The following DLC1 variants were observed in gnomAD, a reference collection of about 807,000 sequenced individuals.
DLC1 encodes the protein rho GTPase-activating protein 7.
DLC1 carries 54 observed loss-of-function variants against 140.3 expected under a neutral mutation model. That is an observed-to-expected ratio of 0.38 (90% confidence interval 0.31 to 0.48). The LOEUF (loss-of-function observed/expected upper bound fraction) is 0.48, where lower values mean the gene tolerates loss of function less well. DLC1 is among the 20% of genes least tolerant of loss of function. DLC1 has a pLI of 0.96. For synonymous variants in DLC1, 986 were observed against 728.1 expected (o/e 1.35, Z -5.70); for missense variants, 2,536 against 1,907.0 (o/e 1.33, Z -6.14).
intron 1 of DLC1, among the ~76,000 whole-genome samples, chr8:13,522,298 A>G (rs1802788152): frequency 1.3e-5 from 2 of 152,104 alleles, no homozygotes; most frequent in African/African-American, 2.4e-5. Context: ...GGCCTCATGT[A>G]GCTTAAATGG....
At chr8:13,167,775 C>A (rs1825204675) in intron 5 of DLC1, among the ~76,000 whole-genome samples, 1 of 152,210 alleles carries the variant, frequency 6.6e-6, no homozygotes, top group African/African-American at 2.4e-5. Context: ...TTGCAAATGG[C>A]ATTACCTGCA....
chr8:13,106,610 C>G (rs1214573824), intron 7 of DLC1, among the ~76,000 whole-genome samples: 1 of 152,192 alleles, frequency 6.6e-6, no homozygotes, highest in East Asian at 1.9e-4. Flanking sequence ...CTTGGCCTCC[C>G]AAATTGTTGA....
At chr8:13,256,452 C>T (rs1359472261) in intron 5 of DLC1, among the ~76,000 whole-genome samples, 1 of 152,088 alleles carries the variant, frequency 6.6e-6, no homozygotes. Context: ...TTCACAATAG[C>T]AAAGACTTGG....
At chr8:13,261,949 T>G (rs539370307) in intron 5 of DLC1, among the ~76,000 whole-genome samples, 53 of 152,330 alleles carry the variant, frequency 3.5e-4, no homozygotes, top group Non-Finnish European at 6.3e-4. Flanking sequence ...AAGCATTGAA[T>G]GTGTCTAATA....
rs1311179706 is a variant in DLC1, at chr8:13,092,648, T to C, written c.3704A>G (p.His1235Arg). Residue 1235 changes from histidine (H) to arginine (R), a missense_variant, in exon 13 of 18, where the codon CAT (histidine) becomes CGT (arginine). His to Arg is a conservative substitution (Grantham distance 29). Coordinates refer to ENST00000276297, the MANE Select transcript of DLC1 (RefSeq NM_182643.3). ...LAVCLAPSLF[H>R]LNTLKRENSS... ...ATTCTCTCTCTTCAGGGTGTTGAGATGGAAGAGGGAAGGCGCTAAGCACAC... is the reference window on the plus strand; with the variant it reads ...ATTCTCTCTCTTCAGGGTGTTGAGACGGAAGAGGGAAGGCGCTAAGCACAC... 2.5e-6 allele frequency: 4 copies of C among 1,614,004 alleles called. No individual in the cohort carries two copies. Among genetic ancestry groups the C allele is most frequent in the East Asian group, 2.2e-5 (1 of 44,876 alleles).
At chr8:13,522,016 C>T (rs1009020071) in intron 1 of DLC1, among the ~76,000 whole-genome samples, 7 of 151,990 alleles carry the variant, frequency 4.6e-5, no homozygotes, top group Non-Finnish European at 8.8e-5. Flanking sequence ...AAAGGAAAGA[C>T]GGAGAAGGGT....
intron 4 of DLC1, among the ~76,000 whole-genome samples, chr8:13,305,624 C>T (rs1203281483): frequency 2.6e-5 from 4 of 152,056 alleles, no homozygotes; most frequent in Admixed American, 2.0e-4. Flanking sequence ...GATCGTTGAG[C>T]CCAGGAGTTT....
intron 5 of DLC1, among the ~76,000 whole-genome samples, chr8:13,131,729 G>A (rs754254903): frequency 6.6e-6 from 1 of 152,158 alleles, no homozygotes; most frequent in African/African-American, 2.4e-5. Context: ...CTCCCCGCGC[G>A]GAGGTAATAC....
intron 5 of DLC1, among the ~76,000 whole-genome samples, chr8:13,123,331 C>A (rs917343575): frequency 2.6e-5 from 4 of 151,666 alleles, no homozygotes; most frequent in African/African-American, 9.7e-5. Flanking sequence ...TCCCTGCACC[C>A]CCCGCCCCCG....
intron 5 of DLC1, among the ~76,000 whole-genome samples, chr8:13,262,856 C>T (rs1830518937): frequency 6.6e-6 from 1 of 152,186 alleles, no homozygotes; most frequent in Non-Finnish European, 1.5e-5. Context: ...TCTCCACAGG[C>T]AGTAGTTTGA....
At chr8:13,180,364 T>A (rs575925649) in intron 5 of DLC1, among the ~76,000 whole-genome samples, 54 of 152,236 alleles carry the variant, frequency 3.5e-4, no homozygotes, top group Non-Finnish European at 6.8e-4. Context: ...CACAATGGCT[T>A]ATTTATCACA....
At chr8:13,567,157 G>A in intron 1 of DLC1, 1 of 1,551,800 alleles carries the variant, frequency 6.4e-7, no homozygotes, top group Non-Finnish European at 8.7e-7. Flanking sequence ...GAGCAAACTG[G>A]AGAGGGAAAA....
At chr8:13,301,633 G>A (rs1340750232) in intron 5 of DLC1, among the ~76,000 whole-genome samples, 3 of 152,134 alleles carry the variant, frequency 2.0e-5, no homozygotes, top group Admixed American at 1.3e-4. Context: ...TATTCCAATG[G>A]GACGGGTTCA....
chr8:13,252,515 T>G (rs1830053526), intron 5 of DLC1, among the ~76,000 whole-genome samples: 1 of 152,168 alleles, frequency 6.6e-6, no homozygotes, highest in Admixed American at 6.6e-5. Context: ...GTCATATGGT[T>G]TAGAATAAGG....
chr8:13,132,715 CA>C (rs1446464850), intron 5 of DLC1, among the ~76,000 whole-genome samples: 3 of 152,142 alleles, frequency 2.0e-5, no homozygotes, highest in Non-Finnish European at 4.4e-5. Flanking sequence ...GGTCCCCAGG[CA>C]AAAGGTAATC....
chr8:13,536,425 A>G (rs1803287306), intron 1 of DLC1, among the ~76,000 whole-genome samples: 1 of 152,190 alleles, frequency 6.6e-6, no homozygotes, highest in South Asian at 2.1e-4. Context: ...AAAGATGTGT[A>G]TATTTTTAGA....
intron 5 of DLC1, among the ~76,000 whole-genome samples, chr8:13,153,633 A>G (rs1441375155): frequency 2.0e-5 from 3 of 152,184 alleles, no homozygotes; most frequent in Admixed American, 2.0e-4. Context: ...TGGTGCGTTT[A>G]CAATCCCTGA....
At chr8:13,392,560 C>T (rs541788732) in intron 4 of DLC1, among the ~76,000 whole-genome samples, 7 of 152,224 alleles carry the variant, frequency 4.6e-5, no homozygotes, top group African/African-American at 1.7e-4. Flanking sequence ...AACAAGCAAT[C>T]CAAACTTGTT....
chr8:13,288,255 C>A (rs935192237), intron 5 of DLC1, among the ~76,000 whole-genome samples: 2 of 152,002 alleles, frequency 1.3e-5, no homozygotes, highest in African/African-American at 4.8e-5. Flanking sequence ...TTTTTGTTTT[C>A]CTTTAATACA....
Sources: allele counts gnomAD v4.1 joint callset (sites outside exome capture counted in the v4.1 genomes callset), GRCh38; gene constraint gnomAD v4.1.1; transcripts MANE v1.5; gene names NCBI Gene and HGNC (gene_info 2026-07-23, HGNC 2026-07-21).